Variants in DNAAF9 observed in about 807,000 individuals in gnomAD.
DNAAF9 encodes the protein dynein axonemal assembly factor 9, also known as shulin.
Under a neutral mutation model 167.0 loss-of-function variants are expected in DNAAF9, and 90 were observed. The observed-to-expected ratio is 0.54, with a 90% CI of 0.45 to 0.64. DNAAF9 has a LOEUF of 0.64. Among genes scored for constraint, DNAAF9 ranks in the 30% least tolerant of loss-of-function variants. The pLI is 0.00. For synonymous variants in DNAAF9, 491 were observed against 508.8 expected, an observed-to-expected ratio of 0.96 and a Z score of 0.47; for missense variants, 1,315 against 1,442.2, an observed-to-expected ratio of 0.91 and a Z score of 1.43.
At chr20:3,362,142 T>C in intron 6 of DNAAF9, 1 of 1,402,224 alleles carries the variant, frequency 7.1e-7, no homozygotes, top group South Asian at 1.2e-5. Context: ...ATATTCGGTT[T>C]TCATAAATTG....
intron 27 of DNAAF9, among the ~76,000 whole-genome samples, chr20:3,284,526 TGACGAAG>T (rs199940968): frequency 1.8e-5 from 2 of 109,666 alleles, no homozygotes; most frequent in African/African-American, 7.7e-5. Flanking sequence ...CCCAACTGTA[TGACGAAG>T]GCAAAAAACT....
At chr20:3,323,374 T>G (rs559673495) in intron 14 of DNAAF9, among the ~76,000 whole-genome samples, 12 of 142,370 alleles carry the variant, frequency 8.4e-5, no homozygotes, top group Admixed American at 7.0e-4. Flanking sequence ...CTCCACCTCC[T>G]GGGTTCAAGC....
chr20:3,261,525 G>A (rs897177551), intron 31 of DNAAF9, among the ~76,000 whole-genome samples: 4 of 150,630 alleles, frequency 2.7e-5, no homozygotes, highest in Non-Finnish European at 5.9e-5. Flanking sequence ...CCACCACCAC[G>A]CCCAGCTAAT....
At position 3,255,402 on chromosome 20, in the gene DNAAF9, G is replaced by A. The variant is rs114727526; in HGVS notation, c.3262-118C>T. 9.1e-4 allele frequency: 603 copies of A among 664,906 alleles called. 3 individuals carry two copies. Among genetic ancestry groups the A allele is most frequent in the African/African-American group, 9.0e-3 (504 of 55,874 alleles). The allele number at this position is 664,906 out of a possible 1,614,324, so 41.2% of individuals were successfully genotyped here. A position where few individuals can be genotyped will look rare whatever the true frequency, so the allele number is the denominator to read the frequency against. ...TCTCAGCAGTGGGGAAAGCACGTGCGCTATGGCCTGGATATAATATTCTGT... is the reference window on the plus strand; with the variant it reads ...TCTCAGCAGTGGGGAAAGCACGTGCACTATGGCCTGGATATAATATTCTGT... On this transcript the variant is annotated intron_variant, in intron 34 of 36. Coordinates refer to ENST00000252032, the MANE Select transcript of DNAAF9 (RefSeq NM_001009984.3).
chr20:3,397,729 GA>G (rs935325790), intron 1 of DNAAF9, among the ~76,000 whole-genome samples: 15 of 144,508 alleles, frequency 1.0e-4, no homozygotes, highest in African/African-American at 3.8e-4. Flanking sequence ...TGGGGGGGGG[GA>G]ACATCTACCA....
At chr20:3,294,383 A>C in intron 24 of DNAAF9, 127 bp from the exon 25 acceptor site, 1 of 826,348 alleles carries the variant, frequency 1.2e-6, no homozygotes, top group Middle Eastern at 2.3e-4. Context: ...CTAGAGAATA[A>C]AATTGTGTAC....
intron 25 of DNAAF9, among the ~76,000 whole-genome samples, chr20:3,292,969 C>T (rs938169268): frequency 1.3e-5 from 2 of 151,826 alleles, no homozygotes; most frequent in African/African-American, 4.8e-5. Context: ...ACCTGAAATT[C>T]CAGCTACTTG....
intron 34 of DNAAF9, among the ~76,000 whole-genome samples, 153 bp from the exon 35 acceptor site, chr20:3,255,437 T>C (rs780640538): frequency 7.2e-5 from 11 of 151,992 alleles, no homozygotes; most frequent in Non-Finnish European, 1.2e-4. Flanking sequence ...TCTAGTCTGC[T>C]CTTTGAGAAA....
At chr20:3,300,371 T>C (rs1290740890) in intron 21 of DNAAF9, among the ~76,000 whole-genome samples, 2 of 152,116 alleles carry the variant, frequency 1.3e-5, no homozygotes, top group Non-Finnish European at 2.9e-5. Context: ...ATTTTTCAGT[T>C]TTCAGTGTAC....
chr20:3,256,022 C>T lies in DNAAF9; in HGVS notation c.3245G>A (p.Arg1082Gln), dbSNP rs767079634. The change falls in exon 34 of 37, where the codon CGG becomes CAG. Residue 1082 changes from arginine to glutamine, a missense_variant. Physicochemically the swap from Arg to Gln is conservative, Grantham distance 43 (BLOSUM62 1). Transcript: ENST00000252032. The part of the protein sequence containing the change: ...LKEDSIKDWL[R>Q]QSAKQKPQRK... ...GGAAACCACCTGCTTAGCTGACTGC[C>T]GCAGCCAGTCCTTGATGCTGTCTTC... The T allele has an allele frequency of 2.2e-5, 35 of 1,613,092 alleles. No individual in the cohort carries two copies. Among genetic ancestry groups the T allele is most frequent in the Admixed American group, 5.0e-5 (3 of 60,014 alleles).
chr20:3,346,527 G>GA (rs953276320), intron 8 of DNAAF9, among the ~76,000 whole-genome samples: 13 of 143,164 alleles, frequency 9.1e-5, no homozygotes, highest in Non-Finnish European at 1.1e-4. Flanking sequence ...AGAAAACAAA[G>GA]AAAAAAAAAA....
At chr20:3,323,053 G>A (rs2069644737) in intron 14 of DNAAF9, among the ~76,000 whole-genome samples, 1 of 151,818 alleles carries the variant, frequency 6.6e-6, no homozygotes, top group Non-Finnish European at 1.5e-5. Context: ...GCAACTCACA[G>A]TCAAATGCTG....
chr20:3,301,249 G>A (rs6115845), intron 21 of DNAAF9, among the ~76,000 whole-genome samples: 1,997 of 149,406 alleles, frequency 0.013, 46 homozygotes, highest in African/African-American at 0.046. Flanking sequence ...GTGCAATGGC[G>A]CAATCTCAGC....
intron 10 of DNAAF9, among the ~76,000 whole-genome samples, chr20:3,340,049 GCAGA>G (rs1299977684): frequency 1.3e-5 from 2 of 152,156 alleles, no homozygotes; most frequent in Non-Finnish European, 2.9e-5. Context: ...AAAGAATGTA[GCAGA>G]CAATCTGCCA....
chr20:3,306,874 C>T (rs1333069860), intron 20 of DNAAF9: 7 of 983,304 alleles, frequency 7.1e-6, no homozygotes, highest in South Asian at 4.7e-5. Context: ...CACAAGATGA[C>T]TCTACTTACT....
At chr20:3,332,900 G>GTGGTGTGTGTGTGT (rs1376871054) in intron 10 of DNAAF9, among the ~76,000 whole-genome samples, 14 of 146,936 alleles carry the variant, frequency 9.5e-5, no homozygotes, top group African/African-American at 3.5e-4. Context: ...GTGTGCGTGT[G>GTGGTGTGTGTGTGT]GTGTGTGTGT....
intron 6 of DNAAF9, among the ~76,000 whole-genome samples, chr20:3,370,916 C>T (rs1043677817): frequency 6.6e-6 from 1 of 152,134 alleles, no homozygotes; most frequent in Non-Finnish European, 1.5e-5. Flanking sequence ...CTGCAAATGC[C>T]TGGTTGACTG....
At chr20:3,319,529 G>C (rs2069577741) in intron 16 of DNAAF9, among the ~76,000 whole-genome samples, 1 of 152,100 alleles carries the variant, frequency 6.6e-6, no homozygotes, top group Non-Finnish European at 1.5e-5. Context: ...GAGGGACATG[G>C]GATAAGTAGC....
chr20:3,376,358 T>G, intron 3 of DNAAF9, 56 bp from the exon 4 acceptor site: 1 of 1,425,430 alleles, frequency 7.0e-7, no homozygotes, highest in Non-Finnish European at 9.6e-7. Flanking sequence ...CTTTTAGATA[T>G]TTTCTGCCCA....
Sources: gnomAD v4.1 joint callset for allele counts (sites outside exome capture counted in the v4.1 genomes callset) on GRCh38, gnomAD v4.1.1 for gene constraint, MANE v1.5 for transcripts, NCBI Gene and HGNC (gene_info 2026-07-23, HGNC 2026-07-21) for gene names.